PROSER2: variants seen among roughly 807,000 people sequenced by gnomAD.
PROSER2 encodes proline and serine-rich protein 2.
PROSER2 carries 18 observed loss-of-function variants against 14.6 expected under a neutral mutation model. That is an observed-to-expected ratio of 1.23 (90% CI 0.85 to 1.83). The LOEUF is 1.83. Ranked by LOEUF, PROSER2 falls within the 40% of genes most tolerant of loss-of-function variation. The probability of loss-of-function intolerance (pLI) is 0.00; values close to 1 mark genes in which losing one functional copy is unlikely to be tolerated. For missense variants in PROSER2, 823 were observed against 629.8 expected (o/e 1.31, Z -3.28); for synonymous variants, 367 against 286.4 (o/e 1.28, Z -2.84).
chr10:11,828,423 T>C (rs2093916), intron 1 of PROSER2, among the ~76,000 whole-genome samples: 127,181 of 152,104 alleles, frequency 0.84, 54,164 homozygotes, highest in South Asian at 0.95. Flanking sequence ...GCATTTTGGC[T>C]GGGCACAGTG....
intron 1 of PROSER2, among the ~76,000 whole-genome samples, chr10:11,826,373 A>G (rs1048825029): frequency 2.6e-5 from 4 of 152,088 alleles, no homozygotes; most frequent in Non-Finnish European, 5.9e-5. Flanking sequence ...CCTGTTGTCA[A>G]TTCTTTTGGG....
chr10:11,839,936 T>TATTTTC (rs1042310688), intron 1 of PROSER2, among the ~76,000 whole-genome samples: 1 of 152,068 alleles, frequency 6.6e-6, no homozygotes, highest in African/African-American at 2.4e-5. Context: ...TTTTTATTTT[T>TATTTTC]ATTTTCATTT....
In PROSER2 at chr10:11,866,518, C is replaced by A. The variant is rs1233518700; in HGVS notation, c.139-13C>A. On this transcript the variant is annotated splice_polypyrimidine_tract_variant and intron_variant, in intron 2 of 3. Coordinates refer to ENST00000277570, the MANE Select transcript of PROSER2 (RefSeq NM_153256.4). This position sits in a 1 kb window ranked among gnomAD's most constrained non-coding sequence, Gnocchi z 6.0. ...TTGTTTTCTCTCTTCTGTTCCCAAT[C>A]CCTGTACTCTAGGATGATGAGAGCC... 1.2e-6 allele frequency: 2 copies of A among 1,613,570 alleles called. No homozygotes were observed. Among genetic ancestry groups the A allele is most frequent in the East Asian group, 4.5e-5 (2 of 44,876 alleles).
At chr10:11,855,003 T>G (rs1268118076) in intron 2 of PROSER2, among the ~76,000 whole-genome samples, 2 of 152,110 alleles carry the variant, frequency 1.3e-5, no homozygotes, top group African/African-American at 4.8e-5. Context: ...CATGAAAGAT[T>G]AGTCAGTCAA....
chr10:11,834,750 TA>T (rs1833735502), intron 1 of PROSER2, among the ~76,000 whole-genome samples: 1 of 151,064 alleles, frequency 6.6e-6, no homozygotes, highest in South Asian at 2.1e-4. Flanking sequence ...AATAAATACA[TA>T]AAACTCGGCC....
rs1192522468 is a variant in PROSER2, at chr10:11,830,015, T to G, written c.-82+6545T>G. Among the ~76,000 whole-genome samples, 5 of 151,912 alleles carry G rather than the reference T, an allele frequency of 3.3e-5. No homozygotes were observed. Among genetic ancestry groups the G allele is most frequent in the Non-Finnish European group, 7.4e-5 (5 of 67,976 alleles). Reference sequence around the variant, plus strand: ...TGTGCCCCCATGCCTGGCTAATTTTTGCATTTTAGTAGAGACGGGGTTTTG... The same window carrying G: ...TGTGCCCCCATGCCTGGCTAATTTTGGCATTTTAGTAGAGACGGGGTTTTG... On this transcript the variant is annotated intron_variant, in intron 1 of 3. Transcript: ENST00000277570. This position sits in a 1 kb window ranked among gnomAD's most constrained non-coding sequence, Gnocchi z 4.5.
intron 1 of PROSER2, among the ~76,000 whole-genome samples, chr10:11,840,266 T>TAA (rs11290054): frequency 6.9e-6 from 1 of 145,086 alleles, no homozygotes; most frequent in Non-Finnish European, 1.5e-5. Context: ...TTGTTGTCAT[T>TAA]AAAAAAAAAA....
rs1049045899 is a variant in PROSER2 at position 11,838,609 on chromosome 10, A to G, written c.-81-13388A>G. Among the ~76,000 whole-genome samples the G allele has an allele frequency of 1.3e-5, 2 of 152,210 alleles. No individual in the cohort carries two copies. The highest frequency in any genetic ancestry group is 4.8e-5 in the African/African-American group (2 of 41,462). ...CCCAGTTGCCCTACAGAAAGGTTGT[A>G]TGAATTCATTCCCAGCAGGTTCACC... On this transcript the variant is annotated intron_variant, in intron 1 of 3. Transcript: ENST00000277570. The surrounding 1 kb of genome is among the most constrained non-coding windows in gnomAD (Gnocchi z 4.4).
chr10:11,861,306 A>G (rs1483918270), intron 2 of PROSER2, among the ~76,000 whole-genome samples: 1 of 152,118 alleles, frequency 6.6e-6, no homozygotes, highest in African/African-American at 2.4e-5. Flanking sequence ...GTGGCTTGGT[A>G]ACCATGCACG....
Position 11,872,197 on chromosome 10 carries a change from T to A in PROSER2, c.*1791T>A, listed in dbSNP as rs1480713772. The A allele has an allele frequency of 1.3e-5, 2 of 152,228 alleles. No individual in the cohort carries two copies. The highest frequency in any genetic ancestry group is 2.9e-5 in the Non-Finnish European group (2 of 68,040). The allele number at this position is 152,228 out of a possible 1,614,324, so 9.4% of individuals were successfully genotyped here. On this transcript the variant is annotated 3_prime_UTR_variant, in exon 4 of 4. Transcript: ENST00000277570. Reference sequence around the variant, plus strand: ...ACTGACCCTATGATTTCACTGTGAGTAGGGTGAACTGGACTGCATATTAGT... The same window carrying A: ...ACTGACCCTATGATTTCACTGTGAGAAGGGTGAACTGGACTGCATATTAGT...
At chr10:11,859,860 C>T (rs1303805163) in intron 2 of PROSER2, among the ~76,000 whole-genome samples, 1 of 152,220 alleles carries the variant, frequency 6.6e-6, no homozygotes, top group Non-Finnish European at 1.5e-5. Flanking sequence ...AATCATGGCC[C>T]ATTTGCAGTC....
chr10:11,841,810 T>A (rs1833849123), intron 1 of PROSER2, among the ~76,000 whole-genome samples: 1 of 152,228 alleles, frequency 6.6e-6, no homozygotes, highest in Non-Finnish European at 1.5e-5. Flanking sequence ...TTCTCCTACG[T>A]ATTCTGCATG....
intron 2 of PROSER2, among the ~76,000 whole-genome samples, chr10:11,854,821 A>G (rs1185718373): frequency 6.6e-6 from 1 of 152,196 alleles, no homozygotes; most frequent in African/African-American, 2.4e-5. Context: ...ACAGCAATAC[A>G]GCGTCTCTAA....
intron 1 of PROSER2, among the ~76,000 whole-genome samples, chr10:11,841,387 T>C (rs2131058394): frequency 6.6e-6 from 1 of 152,268 alleles, no homozygotes; most frequent in East Asian, 1.9e-4. Flanking sequence ...CAAAAACCAA[T>C]TTTTTGTTTT....
chr10:11,827,417 C>T (rs1445989666), intron 1 of PROSER2, among the ~76,000 whole-genome samples: 2 of 152,060 alleles, frequency 1.3e-5, no homozygotes, highest in Admixed American at 6.6e-5. Flanking sequence ...TTGTATAGGG[C>T]TCGGTTTGTA....
At position 11,862,669 on chromosome 10, in the gene PROSER2, G is replaced by A. The variant is rs1375608911; in HGVS notation, c.139-3862G>A. ...TGATTGTACCACTGCACTGTAGACT[G>A]GGCAACAGAGTGAGACACGGTCTCC... is the stretch of plus-strand genomic sequence containing the variant. On this transcript the variant is annotated intron_variant, in intron 2 of 3. Coordinates refer to ENST00000277570, the MANE Select transcript of PROSER2 (RefSeq NM_153256.4). This position sits in a 1 kb window ranked among gnomAD's most constrained non-coding sequence, Gnocchi z 4.2. 1 of 152,126 alleles carries A rather than the reference G, an allele frequency of 6.6e-6. No homozygotes were observed. Among genetic ancestry groups the A allele is most frequent in the Non-Finnish European group, 1.5e-5 (1 of 68,026 alleles). 9.4% of individuals were successfully genotyped at this position (152,126 alleles called of 1,614,324 possible).
chr10:11,830,007 C>T lies in PROSER2; in HGVS notation c.-82+6537C>T, dbSNP rs963281971. 3.3e-5 allele frequency among the ~76,000 whole-genome samples: 5 copies of T among 151,942 alleles called. No individual in the cohort carries two copies. Among genetic ancestry groups the T allele is most frequent in the Non-Finnish European group, 7.4e-5 (5 of 67,990 alleles). On this transcript the variant is annotated intron_variant, in intron 1 of 3. Coordinates refer to ENST00000277570, the MANE Select transcript of PROSER2 (RefSeq NM_153256.4). The surrounding 1 kb of genome is among the most constrained non-coding windows in gnomAD (Gnocchi z 4.5). Reference sequence around the variant, plus strand: ...TACAGGCGTGTGCCCCCATGCCTGGCTAATTTTTGCATTTTAGTAGAGACG... The same window carrying T: ...TACAGGCGTGTGCCCCCATGCCTGGTTAATTTTTGCATTTTAGTAGAGACG...
chr10:11,851,914 A>C, intron 1 of PROSER2, 83 bp from the exon 2 acceptor site: 1 of 623,260 alleles, frequency 1.6e-6, no homozygotes, highest in Non-Finnish European at 2.4e-6. Context: ...AGTGGAGATT[A>C]ATCTAAGCCA....
chr10:11,855,144 T>G (rs1402711630), intron 2 of PROSER2, among the ~76,000 whole-genome samples: 1 of 149,842 alleles, frequency 6.7e-6, no homozygotes, highest in African/African-American at 2.5e-5. Flanking sequence ...ATAGAGGTTT[T>G]TTGTTTTTTT....
Sources: allele counts gnomAD v4.1 joint callset (sites outside exome capture counted in the v4.1 genomes callset), GRCh38; gene constraint gnomAD v4.1.1; non-coding constraint Gnocchi (gnomAD v3.1); transcripts MANE v1.5; gene names NCBI Gene and HGNC (gene_info 2026-07-23, HGNC 2026-07-21).